The following FRMD4B variants were observed in gnomAD, a reference collection of about 807,000 sequenced individuals.
The protein encoded by FRMD4B is FERM domain containing 4B, also known as FERM domain-containing protein 4B.
FRMD4B carries 74 observed loss-of-function variants against 141.5 expected under a neutral mutation model. The observed-to-expected ratio is 0.52, with a 90% CI of 0.43 to 0.63. FRMD4B has a LOEUF of 0.63. Among genes scored for constraint, FRMD4B ranks in the 30% least tolerant of loss-of-function variants. The pLI is 0.00. For missense variants in FRMD4B, 1,366 were observed against 1,253.4 expected (o/e 1.09, Z -1.36); for synonymous variants, 506 against 467.9 (o/e 1.08, Z -1.05).
intron 1 of FRMD4B, among the ~76,000 whole-genome samples, chr3:69,513,152 G>A (rs1227257653): frequency 6.6e-6 from 1 of 152,016 alleles, no homozygotes. Context: ...CAACAAATTT[G>A]ATAAGTTCTT....
In FRMD4B at chr3:69,193,849, T is replaced by C. The variant is rs751191585; in HGVS notation, c.1513A>G (p.Ser505Gly). 3.1e-6 allele frequency: 5 copies of C among 1,611,490 alleles called. No homozygotes were observed. The highest frequency in any genetic ancestry group is 4.2e-6 in the Non-Finnish European group (5 of 1,178,086). Residue 505 changes from serine to glycine, a missense_variant, in exon 17 of 23, where the codon AGT becomes GGT. Ser to Gly is a moderately conservative substitution (Grantham distance 56, BLOSUM62 0). Transcript: ENST00000398540. ...EEDPALQELE[S>G]NFLIQQKLVE... The stretch of plus-strand genomic sequence containing the variant: ...AGCTTTTGTTGTATTAGAAAATTAC[T>C]CTCCAGTTCTTGCAAAGCAGGATCC...
At chr3:69,344,139 C>T (rs1391458026) in intron 1 of FRMD4B, among the ~76,000 whole-genome samples, 2 of 152,176 alleles carry the variant, frequency 1.3e-5, no homozygotes, top group African/African-American at 2.4e-5. Context: ...GCCAAAGATC[C>T]TGATTTCTTC....
intron 19 of FRMD4B, among the ~76,000 whole-genome samples, chr3:69,187,553 A>ATATATATATATATACATATATATATATG (rs2092782737): frequency 3.5e-5 from 5 of 141,878 alleles, no homozygotes; most frequent in African/African-American, 5.4e-5. Context: ...AAAAAAAAAA[A>ATATATATATATATACATATATATATATG]TATATATATA....
intron 5 of FRMD4B, among the ~76,000 whole-genome samples, chr3:69,278,412 C>T (rs1236073491): frequency 6.6e-6 from 1 of 152,128 alleles, no homozygotes; most frequent in African/African-American, 2.4e-5. Context: ...GATCCTCCCA[C>T]CTCTGCCTCC....
At position 69,522,091 on chromosome 3, in the gene FRMD4B, G is replaced by A. The variant is rs561691431; in HGVS notation, c.-129+20115C>T. Reference sequence around the variant, plus strand: ...AGACATGTTCTGACTCAGATTCTTCGGATACAGTAAGGCCTTAGGGTCAAA... The same window carrying A: ...AGACATGTTCTGACTCAGATTCTTCAGATACAGTAAGGCCTTAGGGTCAAA... On this transcript the variant is annotated intron_variant, in intron 1 of 5. Transcript: ENST00000459638. 1.1e-3 allele frequency among the ~76,000 whole-genome samples: 169 copies of A among 151,874 alleles called. 1 individual carries two copies. The highest frequency in any genetic ancestry group is 3.8e-3 in the African/African-American group (159 of 41,416).
intron 22 of FRMD4B, among the ~76,000 whole-genome samples, chr3:69,175,279 T>TG (rs1252021550): frequency 1.3e-5 from 2 of 152,210 alleles, no homozygotes; most frequent in African/African-American, 4.8e-5. Flanking sequence ...CCCTACTTCT[T>TG]GGTACCATGG....
chr3:69,225,414 G>A (rs772957827), intron 7 of FRMD4B, among the ~76,000 whole-genome samples: 3 of 150,834 alleles, frequency 2.0e-5, no homozygotes, highest in Non-Finnish European at 4.4e-5. Context: ...AGTGGCTTAC[G>A]CCTGTAATCC....
chr3:69,225,652 G>A (rs965827302), intron 7 of FRMD4B, among the ~76,000 whole-genome samples: 4 of 113,854 alleles, frequency 3.5e-5, no homozygotes, highest in East Asian at 3.0e-4. Flanking sequence ...CCGAGATCAC[G>A]CCACTGCACT....
chr3:69,478,679 C>G (rs1314747877), intron 1 of FRMD4B, among the ~76,000 whole-genome samples: 1 of 152,156 alleles, frequency 6.6e-6, no homozygotes, highest in Non-Finnish European at 1.5e-5. Flanking sequence ...AGTGTATATT[C>G]TGTTGATTTG....
At position 69,169,375 on chromosome 3, in the gene FRMD4B, T is replaced by TCCC. The variant is rs11408988; in HGVS notation, c.*2485_*2486insGGG. The stretch of plus-strand genomic sequence containing the variant: ...TTTCTTTTTTTTTTTTTTTTTTTTT[T>TCCC]CTTGAGACAAGGTCTGTTATTGCCT... On this transcript the variant is annotated 3_prime_UTR_variant, in exon 23 of 23. Coordinates refer to ENST00000398540, the MANE Select transcript of FRMD4B (RefSeq NM_015123.3). Among the ~76,000 whole-genome samples the TCCC allele has an allele frequency of 1.4e-4, 18 of 124,604 alleles. No individual in the cohort carries two copies. The highest frequency in any genetic ancestry group is 5.2e-4 in the African/African-American group (18 of 34,374). The allele number at this position is 124,604 out of a possible 152,430, so 81.7% of individuals were successfully genotyped here.
chr3:69,487,073 T>C (rs1255331193), intron 1 of FRMD4B, among the ~76,000 whole-genome samples: 3 of 152,172 alleles, frequency 2.0e-5, no homozygotes, highest in African/African-American at 7.2e-5. Flanking sequence ...TAACCAGATA[T>C]ACTCTTACAC....
intron 5 of FRMD4B, among the ~76,000 whole-genome samples, chr3:69,256,096 TA>T (rs148497543): frequency 0.19 from 28,454 of 151,524 alleles, 2,995 homozygotes; most frequent in East Asian, 0.38. Flanking sequence ...GACCTGTCCT[TA>T]AAAAAAATAA....
At chr3:69,339,573 T>C (rs534266093) in intron 1 of FRMD4B, among the ~76,000 whole-genome samples, 14 of 152,224 alleles carry the variant, frequency 9.2e-5, no homozygotes, top group African/African-American at 3.4e-4. Context: ...ACAGGAATGA[T>C]GCAGCTACAT....
At chr3:69,399,316 G>T (rs1704521334) in intron 2 of FRMD4B, among the ~76,000 whole-genome samples, 1 of 152,160 alleles carries the variant, frequency 6.6e-6, no homozygotes, top group Non-Finnish European at 1.5e-5. Flanking sequence ...CTGAGAATGG[G>T]TGTCCCCAGG....
chr3:69,425,740 C>G (rs1376029259), intron 2 of FRMD4B, among the ~76,000 whole-genome samples: 4 of 152,032 alleles, frequency 2.6e-5, no homozygotes, highest in African/African-American at 9.7e-5. Flanking sequence ...TATAAAAGCA[C>G]CACAATAAGA....
At chr3:69,363,970 G>A (rs1843045) in intron 1 of FRMD4B, among the ~76,000 whole-genome samples, 58,858 of 152,042 alleles carry the variant, frequency 0.39, 13,075 homozygotes, top group African/African-American at 0.62. Flanking sequence ...ATCATTTTCT[G>A]TGTATTCTAT....
chr3:69,376,128 A>G (rs1703965077), intron 1 of FRMD4B, among the ~76,000 whole-genome samples: 1 of 152,202 alleles, frequency 6.6e-6, no homozygotes. Context: ...ATACAAACAG[A>G]TGTGACATAA....
At chr3:69,504,681 A>G (rs1706565959) in intron 1 of FRMD4B, among the ~76,000 whole-genome samples, 3 of 152,352 alleles carry the variant, frequency 2.0e-5, no homozygotes, top group Non-Finnish European at 4.4e-5. Flanking sequence ...TGGAACAGAT[A>G]TACCACATTT....
intron 2 of FRMD4B, among the ~76,000 whole-genome samples, chr3:69,421,015 C>T (rs552298730): frequency 6.6e-6 from 1 of 152,224 alleles, no homozygotes; most frequent in Non-Finnish European, 1.5e-5. Flanking sequence ...GCCCTCACTC[C>T]CCATTGTGGC....
Sources: allele counts gnomAD v4.1 joint callset (sites outside exome capture counted in the v4.1 genomes callset), GRCh38; gene constraint gnomAD v4.1.1; transcripts MANE v1.5; gene names NCBI Gene and HGNC (gene_info 2026-07-23, HGNC 2026-07-21).